MUC5AC: variants seen among roughly 807,000 people sequenced by gnomAD.
The protein encoded by MUC5AC is mucin 5AC, oligomeric mucus/gel-forming, also known as mucin-5AC.
MUC5AC carries 158 observed loss-of-function variants against 169.7 expected under a neutral mutation model. That is an observed-to-expected ratio of 0.93 (90% CI 0.82 to 1.06). MUC5AC has a LOEUF of 1.06. MUC5AC is among the 50% of genes least tolerant of loss of function. The probability of loss-of-function intolerance (pLI) is 0.00; values close to 1 mark genes in which losing one functional copy is unlikely to be tolerated. For missense variants in MUC5AC, 4,359 were observed against 3,089.9 expected, an observed-to-expected ratio of 1.41 and a Z score of -9.74; for synonymous variants, 1,975 against 1,237.0, an observed-to-expected ratio of 1.60 and a Z score of -12.52.
At chr11:1,171,375 CCATT>C (rs1419475201) in intron 15 of MUC5AC, among the ~76,000 whole-genome samples, 3 of 119,944 alleles carry the variant, frequency 2.5e-5, no homozygotes, top group Non-Finnish European at 5.2e-5. Flanking sequence ...ACCCACTCAC[CCATT>C]CACTCACCCA....
In MUC5AC at chr11:1,174,435, G is replaced by A. The variant is rs945274063; in HGVS notation, c.1966-61G>A. On this transcript the variant is annotated intron_variant, in intron 16 of 48. Coordinates refer to ENST00000621226, the MANE Select transcript of MUC5AC (RefSeq NM_001304359.2). ...CTGCTGGATGTGTGGCCTGCAGGGCGTGGGGGGCCACCAGGTGTGGGCTGG... is the reference window on the plus strand; with the variant it reads ...CTGCTGGATGTGTGGCCTGCAGGGCATGGGGGGCCACCAGGTGTGGGCTGG... The A allele has an allele frequency of 7.9e-5, 84 of 1,063,424 alleles. 1 individual carries two copies. The highest frequency in any genetic ancestry group is 4.3e-4 in the South Asian group (29 of 68,056). The allele number at this position is 1,063,424 out of a possible 1,614,324, so 65.9% of individuals were successfully genotyped here.
Position 1,196,371 on chromosome 11 carries a change from G to A in MUC5AC, c.15638-17G>A. On this transcript the variant is annotated splice_polypyrimidine_tract_variant and intron_variant, in intron 37 of 48. Coordinates refer to ENST00000621226, the MANE Select transcript of MUC5AC (RefSeq NM_001304359.2). ...GTGCCCTCCCACCCTCTCAGGTGTG[G>A]CTTCCCCTCCCCACAGCATTCACCT... The A allele has an allele frequency of 1.3e-6, 1 of 764,458 alleles. No individual in the cohort carries two copies. Among genetic ancestry groups the A allele is most frequent in the Non-Finnish European group, 2.4e-6 (1 of 417,486 alleles). 47.4% of individuals were successfully genotyped at this position (764,458 alleles called of 1,614,324 possible).
chr11:1,161,614 G>A (rs1860142543), intron 3 of MUC5AC, 28 bp downstream of exon 3: 4 of 1,602,742 alleles, frequency 2.5e-6, no homozygotes, highest in Non-Finnish European at 2.6e-6. Context: ...GCCTGGGTGG[G>A]GAAGGGTCAT....
At chr11:1,177,849 G>A (rs974408270) in intron 24 of MUC5AC, among the ~76,000 whole-genome samples, 12 of 152,336 alleles carry the variant, frequency 7.9e-5, no homozygotes, top group African/African-American at 2.6e-4. Context: ...GCAAAGGCCC[G>A]CACCCTGGCG....
rs1227347422 is a variant in MUC5AC, at chr11:1,190,169, G to A, written c.12024G>A (p.Pro4008=). Residue 4008 remains proline, a synonymous_variant, in exon 31 of 49, where the codon CCG becomes CCA. Coordinates refer to ENST00000621226, the MANE Select transcript of MUC5AC (RefSeq NM_001304359.2). The stretch of plus-strand genomic sequence containing the variant: ...TCCAGTGCCGAGCCGAGAGCCACCC[G>A]GAGGTGAGCATCGAACACCTGGGCC... ...TRLQCRAESH[P]EVSIEHLGQV... 0.24 allele frequency: 174,184 copies of A among 732,012 alleles called. 22,173 individuals are homozygous for A. The highest frequency in any genetic ancestry group is 0.5 in the African/African-American group (28,770 of 57,534). 45.3% of individuals were successfully genotyped at this position (732,012 alleles called of 1,614,324 possible). A position where few individuals can be genotyped will look rare whatever the true frequency, so the allele number is the denominator to read the frequency against.
At chr11:1,182,026 G>T in intron 30 of MUC5AC, 129 bp from the exon 31 acceptor site, 1 of 398,070 alleles carries the variant, frequency 2.5e-6, no homozygotes, top group South Asian at 1.3e-4. Context: ...TCTGAGCAGG[G>T]ACCGCGGGTG....
At chr11:1,173,471 A>T (rs968839882) in intron 16 of MUC5AC, among the ~76,000 whole-genome samples, 1 of 151,236 alleles carries the variant, frequency 6.6e-6, no homozygotes, top group Non-Finnish European at 1.5e-5. Flanking sequence ...CCACTCACTC[A>T]TCCACTCACT....
intron 4 of MUC5AC, among the ~76,000 whole-genome samples, 157 bp from the exon 5 acceptor site, chr11:1,162,375 T>G (rs890322355): frequency 1.3e-5 from 2 of 151,752 alleles, no homozygotes; most frequent in Non-Finnish European, 2.9e-5. Flanking sequence ...CCTTCCTAGC[T>G]CCTCGTGACC....
At chr11:1,166,327 C>T (rs1396943826) in intron 11 of MUC5AC, among the ~76,000 whole-genome samples, 2 of 147,604 alleles carry the variant, frequency 1.4e-5, no homozygotes, top group Non-Finnish European at 3.0e-5. Context: ...ACGATGAGAC[C>T]CTGCACCCAA....
Position 1,181,406 on chromosome 11 carries a change from G to GCCCCCCCCCCCCAGGGCC in MUC5AC, c.3960_3961insCCCCCCCCAGGGCCCCCC (p.Pro1320_Thr1321insProProProGlyProPro). 2.6e-6 allele frequency: 1 copy of GCCCCCCCCCCCCAGGGCC among 390,784 alleles called. No individual in the cohort carries two copies. Among genetic ancestry groups the GCCCCCCCCCCCCAGGGCC allele is most frequent in the Non-Finnish European group, 4.5e-6 (1 of 221,634 alleles). 24.2% of individuals were successfully genotyped at this position (390,784 alleles called of 1,614,324 possible). ...ATTGAGAGGAGGGTCTACCCCTGCA[G>GCCCCCCCCCCCCAGGGCC]CCCCACCACCCCTGTCCCCCCAACC... is the stretch of plus-strand genomic sequence containing the variant. On this transcript the variant is annotated inframe_insertion, in exon 30 of 49. Transcript: ENST00000621226.
In MUC5AC at chr11:1,188,617, C is replaced by A. The variant is rs1335296489; in HGVS notation, c.10472C>A (p.Thr3491Asn). ...GGAACTACTCCCAGCCCTGTTACCA[C>A]CACCAGCACAGCCTCTGTTTCAAAG... The part of the protein sequence containing the change: ...GSGTTPSPVT[T>N]TSTASVSKTS... Residue 3491 changes from threonine to asparagine, a missense_variant, in exon 31 of 49, where the codon ACC (threonine) becomes AAC (asparagine). Thr to Asn is a moderately conservative substitution (Grantham distance 65). Coordinates refer to ENST00000621226, the MANE Select transcript of MUC5AC (RefSeq NM_001304359.2). 146 of 765,086 alleles carry A rather than the reference C, an allele frequency of 1.9e-4. No homozygotes were observed. In the Middle Eastern group the frequency reaches 2.3e-3, roughly 12 times the overall value. The allele number at this position is 765,086 out of a possible 1,614,324, so 47.4% of individuals were successfully genotyped here.
In MUC5AC at chr11:1,179,241, C is replaced by T; in HGVS notation, c.3477C>T (p.Ser1159=). Residue 1159 remains serine, a synonymous_variant, in exon 26 of 49, where the codon AGC becomes AGT. Transcript: ENST00000621226. ...TGTGTGTGTCCTGGCGGACCCCGAG[C>T]ATCTGCCGTGAGTGCGAGTGGGCAC... ...VGLCVSWRTP[S]ICPLFCDYYN... 1 of 588,984 alleles carries T rather than the reference C, an allele frequency of 1.7e-6. No individual in the cohort carries two copies. The highest frequency in any genetic ancestry group is 3.1e-6 in the Non-Finnish European group (1 of 325,198). The allele number at this position is 588,984 out of a possible 1,614,324, so 36.5% of individuals were successfully genotyped here. A position where few individuals can be genotyped will look rare whatever the true frequency, so the allele number is the denominator to read the frequency against.
In MUC5AC at chr11:1,197,807, T is replaced by C. The variant is rs758834301; in HGVS notation, c.16034-96T>C. The stretch of plus-strand genomic sequence containing the variant: ...CTCATCTGGAGACCCCCGAGCGGGC[T>C]GTCTAGGCGGTCCGCAATCCTAGAG... On this transcript the variant is annotated intron_variant, in intron 41 of 48. Coordinates refer to ENST00000621226, the MANE Select transcript of MUC5AC (RefSeq NM_001304359.2). 4.4e-4 allele frequency: 282 copies of C among 639,090 alleles called. 1 individual carries two copies. The highest frequency in any genetic ancestry group is 6.4e-4 in the Non-Finnish European group (227 of 352,428). The allele number at this position is 639,090 out of a possible 1,614,324, so 39.6% of individuals were successfully genotyped here.
At chr11:1,168,598 C>A (rs553167007) in intron 13 of MUC5AC, 44 bp from the exon 14 acceptor site, 1 of 1,612,204 alleles carries the variant, frequency 6.2e-7, no homozygotes, top group African/African-American at 1.3e-5. Flanking sequence ...CCTGGGGTCC[C>A]GCCCCACAGC....
In MUC5AC at chr11:1,188,618, C is replaced by T; in HGVS notation, c.10473C>T (p.Thr3491=). The change falls in exon 31 of 49, where the codon ACC becomes ACT. Residue 3491 remains threonine (T), a synonymous_variant. Transcript: ENST00000621226. ...GSGTTPSPVT[T]TSTASVSKTS... is the part of the protein sequence containing the mutation. Reference sequence around the variant, plus strand: ...GAACTACTCCCAGCCCTGTTACCACCACCAGCACAGCCTCTGTTTCAAAGA... The same window carrying T: ...GAACTACTCCCAGCCCTGTTACCACTACCAGCACAGCCTCTGTTTCAAAGA... 4 of 765,040 alleles carry T rather than the reference C, an allele frequency of 5.2e-6. No individual in the cohort carries two copies. In the Middle Eastern group the frequency reaches 6.8e-4, roughly 129 times the overall value. 47.4% of individuals were successfully genotyped at this position (765,040 alleles called of 1,614,324 possible).
At chr11:1,161,441 G>A (rs538969153) in intron 2 of MUC5AC, 86 bp from the exon 3 acceptor site, 2 of 1,154,280 alleles carry the variant, frequency 1.7e-6, no homozygotes, top group Admixed American at 2.9e-5. Flanking sequence ...GCTGGGACCT[G>A]CTGACTCTGG....
Position 1,200,527 on chromosome 11 carries a change from C to A in MUC5AC, c.16790C>A (p.Thr5597Asn). Residue 5597 changes from threonine (T) to asparagine (N), a missense_variant, in exon 49 of 49, where the codon ACC becomes AAC. Coordinates refer to ENST00000621226, the MANE Select transcript of MUC5AC (RefSeq NM_001304359.2). Reference protein sequence around the residue: ...TSLRNVTLHCTDGSSRAFSYT... With the variant: ...TSLRNVTLHCNDGSSRAFSYT... ...CTGAGGAATGTGACCCTGCACTGCACCGACGGCTCCAGCCGGGCCTTCAGC... is the reference window on the plus strand; with the variant it reads ...CTGAGGAATGTGACCCTGCACTGCAACGACGGCTCCAGCCGGGCCTTCAGC... 1 of 761,438 alleles carries A rather than the reference C, an allele frequency of 1.3e-6. No individual in the cohort carries two copies. Among genetic ancestry groups the A allele is most frequent in the Non-Finnish European group, 2.4e-6 (1 of 416,288 alleles). The allele number at this position is 761,438 out of a possible 1,614,324, so 47.2% of individuals were successfully genotyped here.
rs1861330430 is a variant in MUC5AC, at chr11:1,198,073, C to T, written c.16135+69C>T. 8 of 642,062 alleles carry T rather than the reference C, an allele frequency of 1.2e-5. No homozygotes were observed. The East Asian group carries it at 2.2e-4, about 18-fold the overall frequency. 39.8% of individuals were successfully genotyped at this position (642,062 alleles called of 1,614,324 possible). ...GTCTCCACCTGGGATTTTGGGGGGCCATAACCAGATGCCAGTGCGGCTTGT... is the reference window on the plus strand; with the variant it reads ...GTCTCCACCTGGGATTTTGGGGGGCTATAACCAGATGCCAGTGCGGCTTGT... On this transcript the variant is annotated intron_variant, in intron 42 of 48. Coordinates refer to ENST00000621226, the MANE Select transcript of MUC5AC (RefSeq NM_001304359.2).
rs1363255422 is a variant in MUC5AC, at chr11:1,197,996, A to G, written c.16127A>G (p.Gln5376Arg). 1 of 708,216 alleles carries G rather than the reference A, an allele frequency of 1.4e-6. No individual in the cohort carries two copies. Among genetic ancestry groups the G allele is most frequent in the Non-Finnish European group, 2.6e-6 (1 of 389,298 alleles). 43.9% of individuals were successfully genotyped at this position (708,216 alleles called of 1,614,324 possible). A position where few individuals can be genotyped will look rare whatever the true frequency, so the allele number is the denominator to read the frequency against. ...TYQEGACCPV[Q>R]NCSWTVCSIN... ...CAGGAGGGGGCCTGCTGCCCAGTCC[A>G]AAACTGCAGTGAGTGGCCTGGACCA... The change falls in exon 42 of 49, where the codon CAA becomes CGA. Residue 5376 changes from glutamine to arginine, a missense_variant. Physicochemically the swap from Gln to Arg is conservative, Grantham distance 43 (BLOSUM62 1). Coordinates refer to ENST00000621226, the MANE Select transcript of MUC5AC (RefSeq NM_001304359.2).
Sources: allele counts gnomAD v4.1 joint callset (sites outside exome capture counted in the v4.1 genomes callset), GRCh38; gene constraint gnomAD v4.1.1; transcripts MANE v1.5; gene names NCBI Gene and HGNC (gene_info 2026-07-23, HGNC 2026-07-21).